GPHN: variants seen among roughly 807,000 people sequenced by gnomAD.
The protein encoded by GPHN is gephyrin.
A neutral mutation model predicts 95.5 loss-of-function variants in GPHN; 17 were observed. The ratio of observed to expected loss-of-function variants is 0.18; its 90% CI spans 0.12 to 0.27. The LOEUF is 0.27. GPHN is among the 10% of genes least tolerant of loss of function. The pLI, the probability that GPHN is intolerant of heterozygous loss-of-function variation, is 1.00. For missense variants in GPHN, 660 were observed against 978.1 expected (o/e 0.67, Z 4.34); for synonymous variants, 320 against 322.5 (o/e 0.99, Z 0.08).
intron 5 of GPHN, 78 bp downstream of exon 5, chr14:66,880,111 G>A (rs1018017690): frequency 2.2e-6 from 2 of 907,100 alleles, no homozygotes; most frequent in Non-Finnish European, 3.7e-6. Flanking sequence ...TCTACACTTT[G>A]GCATTGTTGT....
At chr14:66,513,123 T>C (rs1282083623) in intron 1 of GPHN, among the ~76,000 whole-genome samples, 3 of 151,774 alleles carry the variant, frequency 2.0e-5, no homozygotes, top group Non-Finnish European at 4.4e-5. Context: ...AGTAGGAAAA[T>C]GTTAAATTAA....
chr14:67,218,713 C>T, the GPHN span, among the ~76,000 whole-genome samples: 1 of 151,886 alleles, frequency 6.6e-6, no homozygotes, highest in Admixed American at 6.6e-5. Context: ...TTCTTTGTGC[C>T]CTAAGCACAG....
chr14:67,466,960 A>C, the GPHN span: 5 of 140,914 alleles, frequency 3.5e-5, no homozygotes, highest in African/African-American at 1.1e-4. Flanking sequence ...GCGCCACTGC[A>C]CTCCAGCCTG....
At chr14:67,731,299 C>T in the GPHN span, among the ~76,000 whole-genome samples, 1 of 149,694 alleles carries the variant, frequency 6.7e-6, no homozygotes, top group African/African-American at 2.5e-5. Flanking sequence ...ACTGCAACCT[C>T]CACCTCCTGG....
the GPHN span, chr14:67,620,772 T>C: frequency 2.6e-5 from 23 of 882,502 alleles, no homozygotes; most frequent in East Asian, 3.2e-4. Context: ...AGGACAGTCA[T>C]TGATGGAAGG....
At chr14:66,886,639 AAAG>A (rs2064208136) in intron 5 of GPHN, among the ~76,000 whole-genome samples, 2 of 152,318 alleles carry the variant, frequency 1.3e-5, no homozygotes, top group Admixed American at 1.3e-4. Flanking sequence ...CAGGCAGAAA[AAAG>A]AATCAGCAAA....
the GPHN span, chr14:67,203,283 G>T: frequency 6.3e-7 from 1 of 1,585,652 alleles, no homozygotes; most frequent in Non-Finnish European, 8.6e-7. Context: ...AGAGAAACTA[G>T]TGCTCACCAG....
the GPHN span, among the ~76,000 whole-genome samples, chr14:67,726,741 C>G: frequency 6.6e-6 from 1 of 152,144 alleles, no homozygotes. Context: ...GCAGGTGGGT[C>G]AAGGGCAGAG....
chr14:66,653,109 G>A (rs2065126896), intron 1 of GPHN, among the ~76,000 whole-genome samples: 1 of 152,064 alleles, frequency 6.6e-6, no homozygotes, highest in Admixed American at 6.5e-5. Context: ...GCTGGTCCTG[G>A]TACTCGGCAA....
the GPHN span, among the ~76,000 whole-genome samples, chr14:67,484,752 C>T: frequency 1.3e-5 from 2 of 152,028 alleles, no homozygotes; most frequent in South Asian, 4.2e-4. Flanking sequence ...AGTGAGACCT[C>T]ATTTCTAATA....
At chr14:67,168,026 G>A (rs543592539) in intron 20 of GPHN, among the ~76,000 whole-genome samples, 74 of 152,256 alleles carry the variant, frequency 4.9e-4, no homozygotes, top group Non-Finnish European at 7.4e-5. Flanking sequence ...AAAGAATGTG[G>A]TATTTGTATT....
chr14:66,816,454 T>C (rs1389780195), intron 3 of GPHN, among the ~76,000 whole-genome samples: 1 of 152,076 alleles, frequency 6.6e-6, no homozygotes, highest in Admixed American at 6.5e-5. Flanking sequence ...ACAAACAATC[T>C]CTAGGACCAC....
the GPHN span, among the ~76,000 whole-genome samples, chr14:67,517,867 C>T: frequency 1.4e-3 from 215 of 152,304 alleles, no homozygotes; most frequent in Non-Finnish European, 2.7e-3. Context: ...AAACTCAGGT[C>T]TTCTGGTACC....
chr14:67,148,260 T>A (rs1405906467), intron 18 of GPHN, among the ~76,000 whole-genome samples: 1 of 152,116 alleles, frequency 6.6e-6, no homozygotes, highest in African/African-American at 2.4e-5. Flanking sequence ...ACAAAAAGAA[T>A]AACCTTTCTT....
chr14:66,588,900 T>C (rs2061528879), intron 1 of GPHN, among the ~76,000 whole-genome samples: 1 of 151,890 alleles, frequency 6.6e-6, no homozygotes, highest in African/African-American at 2.4e-5. Context: ...AAGATACTAC[T>C]AGAGAAGAGC....
the GPHN span, among the ~76,000 whole-genome samples, chr14:67,317,963 T>C: frequency 6.6e-6 from 1 of 152,246 alleles, no homozygotes; most frequent in African/African-American, 2.4e-5. Flanking sequence ...CTAGTATTCC[T>C]AGGTGACAAC....
At chr14:67,155,622 G>A (rs7147534) in intron 18 of GPHN, among the ~76,000 whole-genome samples, 38,465 of 151,998 alleles carry the variant, frequency 0.25, 9,846 homozygotes, top group African/African-American at 0.63. Flanking sequence ...ATAGAAATGA[G>A]CATAAAAGAC....
the GPHN span, chr14:67,724,728 G>A: frequency 4.1e-6 from 3 of 733,934 alleles, no homozygotes; most frequent in Non-Finnish European, 7.3e-6. Context: ...TGGGATTCAA[G>A]TCCAACTGTG....
rs147198150 is a variant in GPHN, at chr14:66,672,450, C to T, written c.65-8657C>T. On this transcript the variant is annotated intron_variant, in intron 1 of 22. Coordinates refer to ENST00000478722, the MANE Select transcript of GPHN (RefSeq NM_020806.5). Reference sequence around the variant, plus strand: ...TGATTATTAGTGCTGTTGAATTCAGCTATATCCTTATTGATTTTTTTCTTG... The same window carrying T: ...TGATTATTAGTGCTGTTGAATTCAGTTATATCCTTATTGATTTTTTTCTTG... Among the ~76,000 whole-genome samples the T allele has an allele frequency of 1.1e-3, 174 of 152,218 alleles. No homozygotes were observed. The Middle Eastern group carries it at 0.014, about 12-fold the overall frequency.
Sources: gnomAD v4.1 joint callset for allele counts (sites outside exome capture counted in the v4.1 genomes callset) on GRCh38, gnomAD v4.1.1 for gene constraint, MANE v1.5 for transcripts, NCBI Gene and HGNC (gene_info 2026-07-23, HGNC 2026-07-21) for gene names.